The following GRM7 variants were observed in gnomAD, a reference collection of about 807,000 sequenced individuals.
The protein encoded by GRM7 is glutamate metabotropic receptor 7, also known as metabotropic glutamate receptor 7.
A neutral mutation model predicts 84.5 loss-of-function variants in GRM7; 35 were observed. The observed-to-expected ratio is 0.41, with a 90% CI of 0.32 to 0.55. GRM7 has a LOEUF of 0.55. GRM7 is among the 20% of genes least tolerant of loss of function. GRM7 has a pLI of 0.19. For synonymous variants in GRM7, 487 were observed against 455.1 expected (o/e 1.07, Z -0.89); for missense variants, 1,003 against 1,194.6 (o/e 0.84, Z 2.36).
chr3:7,649,539 C>T (rs1280912195), intron 8 of GRM7, among the ~76,000 whole-genome samples: 1 of 152,008 alleles, frequency 6.6e-6, no homozygotes, highest in Non-Finnish European at 1.5e-5. Context: ...GTTGTTTTTG[C>T]TCAGTGGTTC....
intron 1 of GRM7, among the ~76,000 whole-genome samples, chr3:6,943,249 C>A (rs552604751): frequency 1.3e-5 from 2 of 151,436 alleles, no homozygotes; most frequent in East Asian, 3.9e-4. Context: ...CTTTTATGGA[C>A]CATAAAAGAA....
intron 8 of GRM7, among the ~76,000 whole-genome samples, chr3:7,580,425 G>A (rs888314452): frequency 6.6e-6 from 1 of 152,110 alleles, no homozygotes; most frequent in Non-Finnish European, 1.5e-5. Flanking sequence ...ACTCAAATGG[G>A]AAAAACAGGG....
At chr3:7,459,819 T>C (rs187414905) in intron 6 of GRM7, among the ~76,000 whole-genome samples, 10 of 152,172 alleles carry the variant, frequency 6.6e-5, no homozygotes, top group African/African-American at 2.4e-4. Context: ...GTTGGATTTG[T>C]TAACTTGAAG....
intron 8 of GRM7, among the ~76,000 whole-genome samples, chr3:7,670,265 G>C (rs945718244): frequency 7.2e-5 from 11 of 152,132 alleles, no homozygotes; most frequent in Non-Finnish European, 1.5e-4. Flanking sequence ...GGGCAGGAAG[G>C]GAGCTATCAT....
chr3:7,278,564 A>G (rs923737322), intron 2 of GRM7, among the ~76,000 whole-genome samples: 3 of 152,074 alleles, frequency 2.0e-5, no homozygotes, highest in African/African-American at 4.8e-5. Flanking sequence ...AGGTGTTTCA[A>G]TTGATTCATA....
At chr3:7,296,863 G>T (rs1019618421) in intron 2 of GRM7, among the ~76,000 whole-genome samples, 1 of 149,930 alleles carries the variant, frequency 6.7e-6, no homozygotes, top group African/African-American at 2.4e-5. Context: ...TGCCCCGACT[G>T]GTCTCCAACT....
At position 7,022,267 on chromosome 3, in the gene GRM7, A is replaced by C. The variant is rs1695803433; in HGVS notation, c.520-124185A>C. Among the ~76,000 whole-genome samples, 3 of 152,040 alleles carry C rather than the reference A, an allele frequency of 2.0e-5. No individual in the cohort carries two copies. In the South Asian group the frequency reaches 6.2e-4, roughly 32 times the overall value. On this transcript the variant is annotated intron_variant, in intron 1 of 9. Transcript: ENST00000357716. ...CTTGAGCCTGGGAAGTAGAGATTGC[A>C]GTGAGCCGAGATTGTGCCACTGCAC...
At chr3:7,637,392 A>G (rs1249349975) in intron 8 of GRM7, among the ~76,000 whole-genome samples, 2 of 152,224 alleles carry the variant, frequency 1.3e-5, no homozygotes, top group Admixed American at 1.3e-4. Flanking sequence ...AATCACGTCA[A>G]GCCAGCCATT....
chr3:7,100,033 G>A (rs1041196154), intron 1 of GRM7, among the ~76,000 whole-genome samples: 1 of 148,500 alleles, frequency 6.7e-6, no homozygotes, highest in South Asian at 2.1e-4. Flanking sequence ...ACATATATAT[G>A]CATATGTATA....
At chr3:7,044,528 C>T (rs1339318711) in intron 1 of GRM7, among the ~76,000 whole-genome samples, 1 of 152,082 alleles carries the variant, frequency 6.6e-6, no homozygotes, top group African/African-American at 2.4e-5. Context: ...TCCCAATCTA[C>T]TTATTAGATG....
intron 1 of GRM7, among the ~76,000 whole-genome samples, chr3:6,984,655 A>T (rs946473798): frequency 2.0e-5 from 3 of 152,044 alleles, no homozygotes; most frequent in African/African-American, 7.2e-5. Context: ...AGTGACACAG[A>T]TGTTTTTCTG....
chr3:7,065,997 C>A (rs748852393), intron 1 of GRM7, among the ~76,000 whole-genome samples: 1 of 151,648 alleles, frequency 6.6e-6, no homozygotes, highest in African/African-American at 2.4e-5. Flanking sequence ...AATGATACAA[C>A]CTATCAAAAC....
chr3:7,190,595 G>C (rs922836539), intron 2 of GRM7, among the ~76,000 whole-genome samples: 1 of 151,980 alleles, frequency 6.6e-6, no homozygotes, highest in African/African-American at 2.4e-5. Context: ...GAGGTGCTTT[G>C]CTTTTGCCAA....
chr3:7,695,168 G>A (rs1214427439), intron 9 of GRM7, among the ~76,000 whole-genome samples: 1 of 152,168 alleles, frequency 6.6e-6, no homozygotes, highest in Non-Finnish European at 1.5e-5. Context: ...GCTATGTCAA[G>A]GTCCTCTCTC....
At chr3:6,932,818 G>T (rs339018) in intron 1 of GRM7, among the ~76,000 whole-genome samples, 2 of 142,950 alleles carry the variant, frequency 1.4e-5, no homozygotes, top group Non-Finnish European at 3.0e-5. Context: ...GCAATGGCGC[G>T]ATCTCGGCTC....
chr3:7,512,006 A>T (rs1700226616), intron 7 of GRM7, among the ~76,000 whole-genome samples: 1 of 152,114 alleles, frequency 6.6e-6, no homozygotes, highest in African/African-American at 2.4e-5. Flanking sequence ...TTAGCCAGTC[A>T]TGGTGGCACA....
At chr3:7,301,866 A>T (rs993228689) in intron 3 of GRM7, among the ~76,000 whole-genome samples, 2 of 152,128 alleles carry the variant, frequency 1.3e-5, no homozygotes, top group Non-Finnish European at 2.9e-5. Flanking sequence ...GTAGATGGGA[A>T]AATTTGAGGT....
Position 7,329,676 on chromosome 3 carries a change from A to G in GRM7, c.1033+23024A>G, listed in dbSNP as rs138070256. ...ATATTTCTATATGTAACTTAAAAGT[A>G]TACCTGGTGTGTCTCATCTATGATT... On this transcript the variant is annotated intron_variant, in intron 4 of 9. Coordinates refer to ENST00000357716, the MANE Select transcript of GRM7 (RefSeq NM_000844.4). Among the ~76,000 whole-genome samples the G allele has an allele frequency of 2.0e-3, 304 of 152,316 alleles. 1 individual carries two copies. Among genetic ancestry groups the G allele is most frequent in the African/African-American group, 7.2e-3 (299 of 41,582 alleles).
intron 2 of GRM7, among the ~76,000 whole-genome samples, chr3:7,266,645 TCGG>T (rs1698652275): frequency 6.6e-6 from 1 of 152,218 alleles, no homozygotes; most frequent in South Asian, 2.1e-4. Context: ...ATTTTTCAAC[TCGG>T]CAAAGCATTC....
Sources: allele counts gnomAD v4.1 joint callset (sites outside exome capture counted in the v4.1 genomes callset), GRCh38; gene constraint gnomAD v4.1.1; transcripts MANE v1.5; gene names NCBI Gene and HGNC (gene_info 2026-07-23, HGNC 2026-07-21).